The following UBP1 variants were observed in gnomAD, a reference collection of about 807,000 sequenced individuals.
The protein encoded by UBP1 is upstream-binding protein 1.
UBP1 carries 22 observed loss-of-function variants against 76.1 expected under a neutral mutation model. The observed-to-expected ratio is 0.29, with a 90% CI of 0.21 to 0.41. The LOEUF is 0.41. Among genes scored for constraint, UBP1 ranks in the 10% least tolerant of loss-of-function variants. The pLI is 1.00. For synonymous variants in UBP1, 224 were observed against 237.1 expected, an observed-to-expected ratio of 0.94 and a Z score of 0.51; for missense variants, 436 against 668.1, an observed-to-expected ratio of 0.65 and a Z score of 3.83.
At chr3:33,422,780 GAA>G (rs1411283243) in intron 2 of UBP1, among the ~76,000 whole-genome samples, 11 of 139,320 alleles carry the variant, frequency 7.9e-5, no homozygotes, top group African/African-American at 2.8e-4. Flanking sequence ...GAAAGGGGGA[GAA>G]GAGAAAGGGA....
Position 33,397,028 on chromosome 3 carries a change from A to C in UBP1, c.1271+17T>G, listed in dbSNP as rs1446481076. 1 of 1,579,858 alleles carries C rather than the reference A, an allele frequency of 6.3e-7. No individual in the cohort carries two copies. Among genetic ancestry groups the C allele is most frequent in the African/African-American group, 1.4e-5 (1 of 73,728 alleles). On this transcript the variant is annotated intron_variant, in intron 12 of 15. Coordinates refer to ENST00000283629, the MANE Select transcript of UBP1 (RefSeq NM_014517.5). ...GGTACATTCTTATTTCAAGCAAAAC[A>C]GTTCACAGTATTTTACCTTGACTTC...
intron 2 of UBP1, among the ~76,000 whole-genome samples, chr3:33,425,023 C>T (rs933644033): frequency 1.3e-5 from 2 of 151,624 alleles, no homozygotes; most frequent in Non-Finnish European, 1.5e-5. Flanking sequence ...CCAGCCTGGG[C>T]GATAGAGCAA....
At chr3:33,427,973 C>A (rs1283917806) in intron 1 of UBP1, among the ~76,000 whole-genome samples, 1 of 152,072 alleles carries the variant, frequency 6.6e-6, no homozygotes, top group East Asian at 1.9e-4. Flanking sequence ...GGGTGATCAC[C>A]TGAGGTCAGG....
At chr3:33,435,781 T>C (rs953645713) in intron 1 of UBP1, among the ~76,000 whole-genome samples, 17 of 152,232 alleles carry the variant, frequency 1.1e-4, no homozygotes, top group African/African-American at 4.1e-4. Flanking sequence ...TATGGCTCAC[T>C]GCCACTGCCC....
intron 2 of UBP1, among the ~76,000 whole-genome samples, chr3:33,421,307 G>A (rs113993262): frequency 4.6e-5 from 7 of 151,632 alleles, no homozygotes; most frequent in South Asian, 2.1e-4. Flanking sequence ...TGCAGGGGGC[G>A]GGGGCGGGGG....
At chr3:33,431,228 A>C (rs1443182081) in intron 1 of UBP1, among the ~76,000 whole-genome samples, 1 of 152,200 alleles carries the variant, frequency 6.6e-6, no homozygotes, top group Non-Finnish European at 1.5e-5. Flanking sequence ...AAAATGAAGA[A>C]GTTAAGAAGG....
intron 3 of UBP1, among the ~76,000 whole-genome samples, chr3:33,414,906 G>A (rs1373399886): frequency 6.6e-6 from 1 of 152,160 alleles, no homozygotes; most frequent in East Asian, 1.9e-4. Flanking sequence ...CTAGTGTTAT[G>A]TCAGCAAAAC....
chr3:33,418,728 G>T (rs1404366742), intron 2 of UBP1, among the ~76,000 whole-genome samples: 1 of 151,734 alleles, frequency 6.6e-6, no homozygotes, highest in East Asian at 2.0e-4. Flanking sequence ...GCGTGGTGGT[G>T]CATGCCTGTA....
At chr3:33,402,259 C>G (rs1321664370) in intron 9 of UBP1, among the ~76,000 whole-genome samples, 3 of 152,214 alleles carry the variant, frequency 2.0e-5, no homozygotes, top group Admixed American at 2.0e-4. Flanking sequence ...TGAGCTTACT[C>G]TAGACTCTTG....
intron 2 of UBP1, among the ~76,000 whole-genome samples, chr3:33,421,952 G>A (rs2044906644): frequency 2.0e-5 from 3 of 152,172 alleles, no homozygotes; most frequent in African/African-American, 2.4e-5. Flanking sequence ...GCTGAGGCAG[G>A]AGAATCCCTT....
Position 33,396,295 on chromosome 3 carries a change from T to TG in UBP1, c.1272-16dup. ...GTCTAACCGACCTGCAATCAGAAGA[T>TG]GCCACTGATGAGCCTGGGAGAGAAA... is the stretch of plus-strand genomic sequence containing the variant. On this transcript the variant is annotated splice_polypyrimidine_tract_variant and intron_variant, in intron 12 of 15. Coordinates refer to ENST00000283629, the MANE Select transcript of UBP1 (RefSeq NM_014517.5). 1 of 1,558,862 alleles carries TG rather than the reference T, an allele frequency of 6.4e-7. No individual in the cohort carries two copies. Among genetic ancestry groups the TG allele is most frequent in the Non-Finnish European group, 8.8e-7 (1 of 1,136,886 alleles).
chr3:33,438,101 T>C (rs1212312958), intron 1 of UBP1, among the ~76,000 whole-genome samples: 1 of 152,174 alleles, frequency 6.6e-6, no homozygotes, highest in Non-Finnish European at 1.5e-5. Flanking sequence ...TAAAAATACA[T>C]GGTCAGGGAA....
intron 8 of UBP1, among the ~76,000 whole-genome samples, chr3:33,405,410 C>T (rs533464940): frequency 3.3e-5 from 5 of 152,244 alleles, no homozygotes; most frequent in African/African-American, 9.6e-5. Context: ...AAATTGTAAA[C>T]GCAAATCACC....
chr3:33,439,700 A>G (rs1046438371), intron 1 of UBP1, 36 bp downstream of exon 1: 1 of 1,604,684 alleles, frequency 6.2e-7, no homozygotes, highest in Non-Finnish European at 8.5e-7. Flanking sequence ...TTCCCCAAGG[A>G]GACAGAGGCT....
intron 10 of UBP1, among the ~76,000 whole-genome samples, chr3:33,400,655 A>G (rs1287287639): frequency 6.6e-6 from 1 of 152,158 alleles, no homozygotes; most frequent in Non-Finnish European, 1.5e-5. Context: ...AAAATAGGTA[A>G]CAGAGACCGG....
chr3:33,436,896 C>G (rs1277417770), intron 1 of UBP1, among the ~76,000 whole-genome samples: 1 of 152,100 alleles, frequency 6.6e-6, no homozygotes, highest in African/African-American at 2.4e-5. Context: ...AATGCATTTA[C>G]AGTATAAGAA....
At chr3:33,398,810 G>A (rs762574005) in intron 11 of UBP1, among the ~76,000 whole-genome samples, 1 of 152,144 alleles carries the variant, frequency 6.6e-6, no homozygotes, top group Non-Finnish European at 1.5e-5. Context: ...CTTTTTCTAT[G>A]TGCTATGCTT....
At chr3:33,395,341 T>TA (rs2043932721) in intron 13 of UBP1, among the ~76,000 whole-genome samples, 1 of 151,860 alleles carries the variant, frequency 6.6e-6, no homozygotes, top group South Asian at 2.1e-4. Flanking sequence ...TTTTTTTTTT[T>TA]AAAGTTCTGA....
At chr3:33,404,515 A>T (rs61223108) in intron 8 of UBP1, among the ~76,000 whole-genome samples, 56,990 of 150,890 alleles carry the variant, frequency 0.38, 11,712 homozygotes, top group East Asian at 0.6. Context: ...GGTATGGTGG[A>T]GCACACCTGT....
Sources: gnomAD v4.1 joint callset for allele counts (sites outside exome capture counted in the v4.1 genomes callset) on GRCh38, gnomAD v4.1.1 for gene constraint, MANE v1.5 for transcripts, NCBI Gene and HGNC (gene_info 2026-07-23, HGNC 2026-07-21) for gene names.